Variants in TENM3 observed in about 807,000 individuals in gnomAD.
TENM3 encodes teneurin-3.
TENM3 carries 63 observed loss-of-function variants against 255.1 expected under a neutral mutation model. The observed-to-expected ratio is 0.25, with a 90% CI of 0.20 to 0.30. The LOEUF is 0.30. TENM3 is among the 10% of genes least tolerant of loss of function. The pLI is 1.00. For missense variants in TENM3, 2,929 were observed against 3,461.1 expected, an observed-to-expected ratio of 0.85 and a Z score of 3.86; for synonymous variants, 1,306 against 1,322.3, an observed-to-expected ratio of 0.99 and a Z score of 0.27.
At chr4:182,669,338 C>T (rs1042009192) in intron 6 of TENM3, among the ~76,000 whole-genome samples, 3 of 152,038 alleles carry the variant, frequency 2.0e-5, no homozygotes, top group Admixed American at 6.5e-5. Context: ...GGCGCGATCT[C>T]GGCTCACTGC....
At chr4:181,649,131 T>C in the TENM3 span, among the ~76,000 whole-genome samples, 4 of 152,182 alleles carry the variant, frequency 2.6e-5, no homozygotes, top group African/African-American at 9.6e-5. Flanking sequence ...CCACCTCCAT[T>C]TCTAGCAGAG....
the TENM3 span, among the ~76,000 whole-genome samples, chr4:181,762,024 G>A: frequency 6.6e-5 from 10 of 152,110 alleles, no homozygotes; most frequent in African/African-American, 1.9e-4. Context: ...TGGATGATAC[G>A]TGCTCACAAG....
chr4:182,305,755 T>C (rs185672086), intron 1 of TENM3, among the ~76,000 whole-genome samples: 1 of 152,354 alleles, frequency 6.6e-6, no homozygotes, highest in Admixed American at 6.5e-5. Flanking sequence ...GACTGTGTCC[T>C]GTGTATGTGA....
intron 3 of TENM3, among the ~76,000 whole-genome samples, chr4:182,565,911 A>G (rs748754514): frequency 1.9e-4 from 29 of 152,194 alleles, no homozygotes; most frequent in Non-Finnish European, 2.9e-4. Flanking sequence ...TAATTATTGC[A>G]TATTTCAATA....
chr4:182,325,296 A>G (rs1763319520), intron 2 of TENM3, among the ~76,000 whole-genome samples: 1 of 152,212 alleles, frequency 6.6e-6, no homozygotes, highest in East Asian at 1.9e-4. Flanking sequence ...AAAGTTGGAA[A>G]ATTTTCCATG....
intron 12 of TENM3, among the ~76,000 whole-genome samples, chr4:182,695,425 CTT>C (rs1436389614): frequency 6.6e-6 from 1 of 152,202 alleles, no homozygotes; most frequent in Non-Finnish European, 1.5e-5. Flanking sequence ...CTCCACCACA[CTT>C]TTCCTTGTGC....
the TENM3 span, among the ~76,000 whole-genome samples, chr4:182,111,976 T>C: frequency 6.6e-6 from 1 of 152,172 alleles, no homozygotes; most frequent in Non-Finnish European, 1.5e-5. Flanking sequence ...TACACTCTTC[T>C]TTCTTCTATT....
chr4:181,878,801 A>G, the TENM3 span, among the ~76,000 whole-genome samples: 1 of 151,968 alleles, frequency 6.6e-6, no homozygotes, highest in Non-Finnish European at 1.5e-5. Flanking sequence ...CTACCTGTCT[A>G]TCTACCTATC....
chr4:182,439,819 C>T (rs1456502542), intron 3 of TENM3, among the ~76,000 whole-genome samples: 1 of 152,196 alleles, frequency 6.6e-6, no homozygotes, highest in Non-Finnish European at 1.5e-5. Context: ...CCACACCATT[C>T]CCTGTCCCAA....
chr4:182,736,729 A>C (rs1028890226), intron 16 of TENM3, 79 bp from the exon 17 acceptor site: 1 of 1,301,858 alleles, frequency 7.7e-7, no homozygotes, highest in African/African-American at 1.5e-5. Flanking sequence ...AAATATAGTG[A>C]ATATGTGCTA....
At chr4:181,671,983 A>T in the TENM3 span, among the ~76,000 whole-genome samples, 4 of 152,208 alleles carry the variant, frequency 2.6e-5, no homozygotes, top group Admixed American at 6.5e-5. Context: ...ATAAAAAGAT[A>T]ACATCTCTTG....
At chr4:181,671,042 G>C in the TENM3 span, among the ~76,000 whole-genome samples, 1 of 152,018 alleles carries the variant, frequency 6.6e-6, no homozygotes, top group Admixed American at 6.6e-5. Context: ...TGCTTGTGTT[G>C]TACATAATTT....
At chr4:182,775,366 A>C (rs1044308675) in intron 24 of TENM3, among the ~76,000 whole-genome samples, 5 of 152,126 alleles carry the variant, frequency 3.3e-5, no homozygotes, top group Admixed American at 3.3e-4. Flanking sequence ...TGAGAAGAAA[A>C]AGCAATAGGA....
the TENM3 span, among the ~76,000 whole-genome samples, chr4:181,528,886 T>TACAC: frequency 8.7e-6 from 1 of 114,352 alleles, no homozygotes; most frequent in Non-Finnish European, 2.1e-5. Flanking sequence ...CACACACACA[T>TACAC]ACACACACAC....
At chr4:181,772,294 C>T in the TENM3 span, among the ~76,000 whole-genome samples, 7 of 152,126 alleles carry the variant, frequency 4.6e-5, no homozygotes, top group East Asian at 1.2e-3. Context: ...GGGAGAATTG[C>T]TTGAACCCGG....
At chr4:182,603,593 G>A (rs1471293011) in intron 4 of TENM3, among the ~76,000 whole-genome samples, 2 of 151,878 alleles carry the variant, frequency 1.3e-5, no homozygotes, top group Non-Finnish European at 2.9e-5. Flanking sequence ...TTGGAACTCT[G>A]GAGGTGAAGA....
chr4:181,573,635 CTCTG>C, the TENM3 span, among the ~76,000 whole-genome samples: 17 of 152,252 alleles, frequency 1.1e-4, 1 homozygote, highest in Admixed American at 5.9e-4. Context: ...GCAGAGATTT[CTCTG>C]TCTGTCTGTC....
At chr4:182,623,667 C>T (rs1196725728) in intron 4 of TENM3, among the ~76,000 whole-genome samples, 5 of 152,078 alleles carry the variant, frequency 3.3e-5, no homozygotes, top group African/African-American at 9.7e-5. Flanking sequence ...ATCTTCTCTT[C>T]AGGCAGTTTG....
chr4:182,297,628 A>G (rs1421364385), intron 1 of TENM3, among the ~76,000 whole-genome samples: 2 of 152,208 alleles, frequency 1.3e-5, no homozygotes, highest in Admixed American at 1.3e-4. Flanking sequence ...AGGACCATGT[A>G]TTAACCCTAT....
Sources: allele counts gnomAD v4.1 joint callset (sites outside exome capture counted in the v4.1 genomes callset), GRCh38; gene constraint gnomAD v4.1.1; transcripts MANE v1.5; gene names NCBI Gene and HGNC (gene_info 2026-07-23, HGNC 2026-07-21).